Variants in PLPPR1 observed in about 807,000 individuals in gnomAD.
PLPPR1 encodes phospholipid phosphatase-related protein type 1.
Under a neutral mutation model 33.1 loss-of-function variants are expected in PLPPR1, and 10 were observed. That is an observed-to-expected ratio of 0.30 (90% CI 0.19 to 0.51). The LOEUF (loss-of-function observed/expected upper bound fraction) is 0.51. Ranked by LOEUF, PLPPR1 falls within the 20% of genes least tolerant of loss-of-function variation. PLPPR1 has a pLI of 0.97. For synonymous variants in PLPPR1, 151 were observed against 151.0 expected (o/e 1.00, Z 0.00); for missense variants, 304 against 408.1 (o/e 0.74, Z 2.20).
intron 1 of PLPPR1, among the ~76,000 whole-genome samples, chr9:101,054,557 T>G (rs1454839248): frequency 6.6e-6 from 1 of 152,186 alleles, no homozygotes; most frequent in East Asian, 1.9e-4. Context: ...TCAGCTGTGC[T>G]TTGGACAAAC....
intron 1 of PLPPR1, among the ~76,000 whole-genome samples, chr9:101,154,998 T>G: frequency 6.8e-6 from 1 of 147,882 alleles, no homozygotes; most frequent in Non-Finnish European, 1.5e-5. Flanking sequence ...CATTAGGAGA[T>G]ATACGTAATG....
chr9:101,238,169 A>T (rs1827359464), intron 2 of PLPPR1, among the ~76,000 whole-genome samples: 1 of 137,888 alleles, frequency 7.3e-6, no homozygotes, highest in Non-Finnish European at 1.6e-5. Flanking sequence ...ACACATATAT[A>T]TACCCTATAT....
At chr9:101,278,031 T>C (rs1828229344) in intron 3 of PLPPR1, among the ~76,000 whole-genome samples, 1 of 152,190 alleles carries the variant, frequency 6.6e-6, no homozygotes, top group African/African-American at 2.4e-5. Context: ...AAGCCCGCAT[T>C]CAGGAAACAG....
chr9:101,240,121 GT>G (rs1248083219), intron 2 of PLPPR1, among the ~76,000 whole-genome samples: 4 of 151,932 alleles, frequency 2.6e-5, no homozygotes, highest in Non-Finnish European at 4.4e-5. Flanking sequence ...TGGAGATCCA[GT>G]TTTTTTCTGC....
rs1389037715 is a variant in PLPPR1, at chr9:101,189,676, CTTCAAATATCTT to C, written c.63+4123_63+4134del. On this transcript the variant is annotated intron_variant, in intron 2 of 7. Coordinates refer to ENST00000374874, the MANE Select transcript of PLPPR1 (RefSeq NM_207299.2). ...TCTGTAAAACTCTCAACCATTGCTGCTTCAAATATCTTTTCTGCAACATCTATGTGTATCTTC... is the reference window on the plus strand; with the variant it reads ...TCTGTAAAACTCTCAACCATTGCTGCTTCTGCAACATCTATGTGTATCTTC... Among the ~76,000 whole-genome samples the C allele has an allele frequency of 8.5e-5, 13 of 152,180 alleles. 1 individual carries two copies. Among genetic ancestry groups the C allele is most frequent in the African/African-American group, 2.9e-4 (12 of 41,534 alleles).
At chr9:101,110,849 T>C (rs1197259843) in intron 1 of PLPPR1, among the ~76,000 whole-genome samples, 8 of 152,150 alleles carry the variant, frequency 5.3e-5, no homozygotes, top group Non-Finnish European at 1.0e-4. Context: ...CCTTAAGATG[T>C]ATACCTTTTG....
intron 4 of PLPPR1, among the ~76,000 whole-genome samples, chr9:101,296,690 G>C (rs938413509): frequency 6.6e-6 from 1 of 151,996 alleles, no homozygotes; most frequent in South Asian, 2.1e-4. Context: ...GTAAACTGTC[G>C]CAAGAACAAA....
chr9:101,082,383 G>T (rs1278317118), intron 1 of PLPPR1, among the ~76,000 whole-genome samples: 2 of 151,996 alleles, frequency 1.3e-5, no homozygotes, highest in African/African-American at 4.8e-5. Flanking sequence ...GGGTGTTGGG[G>T]TAAGCAGAAA....
chr9:101,182,896 C>A (rs562325503), intron 1 of PLPPR1, among the ~76,000 whole-genome samples: 1 of 151,510 alleles, frequency 6.6e-6, no homozygotes, highest in Non-Finnish European at 1.5e-5. Flanking sequence ...GAAAGATGCT[C>A]AACATAATTT....
intron 1 of PLPPR1, among the ~76,000 whole-genome samples, chr9:101,069,919 G>A (rs1830462878): frequency 6.6e-6 from 1 of 152,066 alleles, no homozygotes; most frequent in Non-Finnish European, 1.5e-5. Flanking sequence ...AGGGAATTCT[G>A]ATGTTTTCTC....
intron 4 of PLPPR1, among the ~76,000 whole-genome samples, chr9:101,298,697 A>G (rs541446036): frequency 1.3e-5 from 2 of 152,186 alleles, no homozygotes; most frequent in Non-Finnish European, 2.9e-5. Flanking sequence ...TGCTAGGTAC[A>G]GATTAAGGTG....
At chr9:101,256,363 A>T (rs1827801743) in intron 2 of PLPPR1, among the ~76,000 whole-genome samples, 1 of 152,140 alleles carries the variant, frequency 6.6e-6, no homozygotes, top group Admixed American at 6.6e-5. Flanking sequence ...CCTTGAAGAA[A>T]TATACGTAAG....
chr9:101,118,627 G>A (rs9650723), intron 1 of PLPPR1, among the ~76,000 whole-genome samples: 72,356 of 151,898 alleles, frequency 0.48, 17,774 homozygotes, highest in Non-Finnish European at 0.54. Context: ...AAATATTATG[G>A]AGCCTACTTT....
chr9:101,029,495 C>T (rs1479212438), intron 1 of PLPPR1, among the ~76,000 whole-genome samples: 1 of 152,190 alleles, frequency 6.6e-6, no homozygotes, highest in African/African-American at 2.4e-5. Flanking sequence ...CTGCAGGTAG[C>T]TGATGCCAAG....
At chr9:101,229,088 C>G (rs1827131392) in intron 2 of PLPPR1, among the ~76,000 whole-genome samples, 1 of 152,210 alleles carries the variant, frequency 6.6e-6, no homozygotes, top group Non-Finnish European at 1.5e-5. Flanking sequence ...GTTGTTAGGT[C>G]TGCTTCTGGA....
rs117177199 is a variant in PLPPR1 at position 101,072,795 on chromosome 9, A to G, written c.-46+43693A>G. Among the ~76,000 whole-genome samples, 793 of 152,332 alleles carry G rather than the reference A, an allele frequency of 5.2e-3. 1 individual carries two copies. Among genetic ancestry groups the G allele is most frequent in the Middle Eastern group, 0.01 (3 of 294 alleles). On this transcript the variant is annotated intron_variant, in intron 1 of 7. Coordinates refer to ENST00000374874, the MANE Select transcript of PLPPR1 (RefSeq NM_207299.2). ...TTATGGGCTTTGTAGTTCAGAAGAAAACAAAGGAAAATATTGTAGCAACTC... is the reference window on the plus strand; with the variant it reads ...TTATGGGCTTTGTAGTTCAGAAGAAGACAAAGGAAAATATTGTAGCAACTC...
chr9:101,297,556 C>A (rs1247334636), intron 4 of PLPPR1, among the ~76,000 whole-genome samples: 1 of 152,136 alleles, frequency 6.6e-6, no homozygotes, highest in East Asian at 1.9e-4. Flanking sequence ...ATTTTTCCCC[C>A]CAACCTTCTC....
intron 1 of PLPPR1, among the ~76,000 whole-genome samples, chr9:101,145,673 G>T (rs1157026979): frequency 4.0e-5 from 6 of 151,498 alleles, no homozygotes; most frequent in Admixed American, 6.6e-5. Context: ...AAGCCATCAT[G>T]ACTGGCAATA....
intron 2 of PLPPR1, among the ~76,000 whole-genome samples, chr9:101,259,521 A>ACTGT (rs762595467): frequency 9.2e-5 from 14 of 152,162 alleles, no homozygotes; most frequent in Non-Finnish European, 1.3e-4. Flanking sequence ...CAGCAGATTC[A>ACTGT]CTGTCTAGTG....
Sources: allele counts gnomAD v4.1 joint callset (sites outside exome capture counted in the v4.1 genomes callset), GRCh38; gene constraint gnomAD v4.1.1; transcripts MANE v1.5; gene names NCBI Gene and HGNC (gene_info 2026-07-23, HGNC 2026-07-21).